The following SLC38A12 variants were observed in gnomAD, a reference collection of about 807,000 sequenced individuals.
The protein encoded by SLC38A12 is solute carrier family 38 member 12.
At chr17:74,839,319 A>G in the SLC38A12 span, 3 of 780,584 alleles carry the variant, frequency 3.8e-6, no homozygotes, top group African/African-American at 1.7e-5. Context: ...CCAGAGTCAG[A>G]GTGGTGGGGA....
chr17:74,831,605 T>A, the SLC38A12 span, among the ~76,000 whole-genome samples: 2 of 152,054 alleles, frequency 1.3e-5, no homozygotes, highest in South Asian at 4.2e-4. Context: ...TCTCCACCAC[T>A]CAGAGCGGGA....
At chr17:74,785,590 C>T in the SLC38A12 span, 1 of 1,613,842 alleles carries the variant, frequency 6.2e-7, no homozygotes, top group Admixed American at 1.7e-5. Flanking sequence ...GCTGGTGTTC[C>T]TGGGCTTCAT....
At chr17:74,824,715 A>G in the SLC38A12 span, among the ~76,000 whole-genome samples, 1 of 152,120 alleles carries the variant, frequency 6.6e-6, no homozygotes, top group Non-Finnish European at 1.5e-5. Flanking sequence ...GACGCTGCAC[A>G]CGCTCTTTTT....
At chr17:74,829,967 G>T in the SLC38A12 span, among the ~76,000 whole-genome samples, 13 of 152,230 alleles carry the variant, frequency 8.5e-5, no homozygotes, top group African/African-American at 3.1e-4. The surrounding 1 kb of genome is among the most constrained non-coding windows in gnomAD (Gnocchi z 4.1). Context: ...CTGCAGCTCA[G>T]CCAGCCCTTA....
the SLC38A12 span, among the ~76,000 whole-genome samples, chr17:74,781,072 G>A: frequency 6.6e-6 from 1 of 152,170 alleles, no homozygotes; most frequent in Non-Finnish European, 1.5e-5. Flanking sequence ...CCGGCACCTA[G>A]TGGGCAAAGG....
At chr17:74,777,800 G>C in the SLC38A12 span, 1 of 384,042 alleles carries the variant, frequency 2.6e-6, no homozygotes, top group Non-Finnish European at 5.0e-6. Context: ...TGTAATCCCA[G>C]CTACTCGGGA....
At chr17:74,795,157 T>C in the SLC38A12 span, 1 of 1,519,236 alleles carries the variant, frequency 6.6e-7, no homozygotes, top group Admixed American at 1.7e-5. Context: ...CAAAGGGGCT[T>C]CCTCAGCAAG....
At chr17:74,795,396 C>T in the SLC38A12 span, 2 of 787,316 alleles carry the variant, frequency 2.5e-6, no homozygotes, top group Non-Finnish European at 2.1e-6. Flanking sequence ...GAGATGCATC[C>T]CGCAAAGTGG....
At chr17:74,838,292 C>T in the SLC38A12 span, 3 of 985,984 alleles carry the variant, frequency 3.0e-6, no homozygotes, top group African/African-American at 5.2e-5. Flanking sequence ...ATTGCGACTT[C>T]CTCCCAGGAG....
At chr17:74,838,909 G>T in the SLC38A12 span, 1 of 1,535,752 alleles carries the variant, frequency 6.5e-7, no homozygotes, top group South Asian at 1.2e-5. Flanking sequence ...GGTCAGTGAT[G>T]GGAAGAGCAG....
chr17:74,838,272 T>G, the SLC38A12 span: 2 of 985,776 alleles, frequency 2.0e-6, no homozygotes, highest in South Asian at 4.7e-5. Context: ...ATGCCCCTTC[T>G]CCATCTATCA....
the SLC38A12 span, among the ~76,000 whole-genome samples, chr17:74,779,011 T>C: frequency 1.3e-5 from 2 of 152,146 alleles, no homozygotes; most frequent in Admixed American, 1.3e-4. Flanking sequence ...GAATAAATAG[T>C]GTCCCTCTCA....
At chr17:74,788,820 A>G in the SLC38A12 span, 2 of 1,613,466 alleles carry the variant, frequency 1.2e-6, no homozygotes, top group Non-Finnish European at 1.7e-6. Flanking sequence ...GATAGAGGCC[A>G]TGGCTGCAGC....
At chr17:74,823,778 G>C in the SLC38A12 span, among the ~76,000 whole-genome samples, 5 of 152,254 alleles carry the variant, frequency 3.3e-5, no homozygotes, top group African/African-American at 1.2e-4. Flanking sequence ...GCTGCTCTGT[G>C]CCAGGTGGCG....
At chr17:74,831,238 T>A in the SLC38A12 span, among the ~76,000 whole-genome samples, 2 of 152,176 alleles carry the variant, frequency 1.3e-5, no homozygotes, top group Non-Finnish European at 2.9e-5. Context: ...TGGTTATAAT[T>A]TGTCCCCTGT....
the SLC38A12 span, among the ~76,000 whole-genome samples, chr17:74,795,903 G>A: frequency 6.6e-6 from 1 of 152,214 alleles, no homozygotes; most frequent in Non-Finnish European, 1.5e-5. Context: ...GACCGTGACT[G>A]TTGTAAACTT....
At chr17:74,790,774 A>T in the SLC38A12 span, among the ~76,000 whole-genome samples, 6,200 of 140,424 alleles carry the variant, frequency 0.044, 400 homozygotes, top group African/African-American at 0.14. Context: ...AATTCCCTTA[A>T]AAAAAAAAAA....
the SLC38A12 span, among the ~76,000 whole-genome samples, chr17:74,825,458 G>A: frequency 6.6e-6 from 1 of 152,246 alleles, no homozygotes; most frequent in Non-Finnish European, 1.5e-5. Context: ...GGTAAAGTGG[G>A]CAGGTAATGA....
the SLC38A12 span, among the ~76,000 whole-genome samples, chr17:74,779,982 A>T: frequency 6.6e-6 from 1 of 152,210 alleles, no homozygotes; most frequent in Non-Finnish European, 1.5e-5. Flanking sequence ...CCCTTAAGGG[A>T]TCTCAGGATA....
Sources: allele counts gnomAD v4.1 joint callset (sites outside exome capture counted in the v4.1 genomes callset), GRCh38; gene constraint gnomAD v4.1.1; non-coding constraint Gnocchi (gnomAD v3.1); transcripts MANE v1.5; gene names NCBI Gene and HGNC (gene_info 2026-07-23, HGNC 2026-07-21).